Variants in TBC1D22A observed in about 807,000 individuals in gnomAD.
TBC1D22A encodes the protein putative GTPase activator.
In TBC1D22A, 38 loss-of-function variants were observed where a neutral mutation model predicts 60.2. The observed-to-expected ratio is 0.63, with a 90% CI of 0.49 to 0.83. The LOEUF (loss-of-function observed/expected upper bound fraction) is 0.83, where lower values mean the gene tolerates loss of function less well. Among genes scored for constraint, TBC1D22A ranks in the 40% least tolerant of loss-of-function variants. The pLI, the probability that TBC1D22A is intolerant of heterozygous loss-of-function variation, is 0.00. For missense variants in TBC1D22A, 628 were observed against 701.0 expected, an observed-to-expected ratio of 0.90 and a Z score of 1.18; for synonymous variants, 302 against 281.7, an observed-to-expected ratio of 1.07 and a Z score of -0.72.
intron 11 of TBC1D22A, among the ~76,000 whole-genome samples, chr22:47,055,527 C>T (rs1204743686): frequency 1.3e-5 from 2 of 152,106 alleles, no homozygotes; most frequent in Non-Finnish European, 2.9e-5. Flanking sequence ...CAGCAAAGAT[C>T]GATAAGGCAA....
intron 4 of TBC1D22A, among the ~76,000 whole-genome samples, chr22:46,849,548 C>A (rs1445167981): frequency 6.6e-6 from 1 of 152,122 alleles, no homozygotes; most frequent in African/African-American, 2.4e-5. Context: ...GACTCAGATT[C>A]ATCTGTCTTT....
At chr22:47,043,398 A>T (rs985342142) in intron 11 of TBC1D22A, among the ~76,000 whole-genome samples, 5 of 152,124 alleles carry the variant, frequency 3.3e-5, no homozygotes, top group Admixed American at 6.5e-5. Flanking sequence ...CTTGCTGGAG[A>T]GGCTCAGCAC....
At chr22:46,997,524 GA>G (rs111296470) in intron 9 of TBC1D22A, 109 bp from the exon 10 acceptor site, 20,465 of 795,412 alleles carry the variant, frequency 0.026, 482 homozygotes, top group South Asian at 0.08. Flanking sequence ...CTCTGTTTGT[GA>G]ATTCGTCCTA....
intron 4 of TBC1D22A, among the ~76,000 whole-genome samples, chr22:46,850,400 G>T (rs909633073): frequency 3.3e-5 from 5 of 152,082 alleles, no homozygotes; most frequent in African/African-American, 7.2e-5. Context: ...AACTCTTTTG[G>T]GAAGGTTTAA....
intron 1 of TBC1D22A, among the ~76,000 whole-genome samples, chr22:46,780,585 C>T (rs561440581): frequency 3.9e-4 from 60 of 152,338 alleles, no homozygotes; most frequent in African/African-American, 1.3e-3. Flanking sequence ...GGCCTTGCAG[C>T]GTTGGCCAGA....
intron 4 of TBC1D22A, among the ~76,000 whole-genome samples, chr22:46,870,811 T>A (rs1289302018): frequency 6.6e-6 from 1 of 152,184 alleles, no homozygotes; most frequent in Non-Finnish European, 1.5e-5. Flanking sequence ...AATCTACTTT[T>A]GGGAGCCCTT....
chr22:47,016,609 C>T (rs2061917583), intron 10 of TBC1D22A, among the ~76,000 whole-genome samples: 1 of 152,210 alleles, frequency 6.6e-6, no homozygotes, highest in Admixed American at 6.5e-5. Context: ...TTCCAGAACT[C>T]TGCCGTCCCG....
rs145201214 is a variant in TBC1D22A at position 46,813,148 on chromosome 22, C to A, written c.637+15528C>A. 4.5e-4 allele frequency among the ~76,000 whole-genome samples: 69 copies of A among 152,342 alleles called. No homozygotes were observed. In the East Asian group the frequency reaches 6.4e-3, roughly 14 times the overall value. On this transcript the variant is annotated intron_variant, in intron 4 of 12. Coordinates refer to ENST00000337137, the MANE Select transcript of TBC1D22A (RefSeq NM_014346.5). ...ATTAAATACTTCACTAAAGTACACT[C>A]TTTTCTTCCATTTATTCATGGTTAT...
Position 47,121,904 on chromosome 22 carries a change from CGCCCCTCGGGTGTCCTGCCGTGCCT to C in TBC1D22A, c.1425+10309_1425+10333del, listed in dbSNP as rs552183613. 1.3e-3 allele frequency among the ~76,000 whole-genome samples: 196 copies of C among 152,266 alleles called. 1 individual carries two copies. The highest frequency in any genetic ancestry group is 3.5e-4 in the Non-Finnish European group (24 of 68,010). On this transcript the variant is annotated intron_variant, in intron 12 of 12. Coordinates refer to ENST00000337137, the MANE Select transcript of TBC1D22A (RefSeq NM_014346.5). ...TTCTTCTAGGATGTCGCACTGCGCCCGCCCCTCGGGTGTCCTGCCGTGCCTGCCCCTCAGGTGTCCCCACCGCATC... is the reference window on the plus strand; with the variant it reads ...TTCTTCTAGGATGTCGCACTGCGCCCGCCCCTCAGGTGTCCCCACCGCATC...
intron 7 of TBC1D22A, among the ~76,000 whole-genome samples, chr22:46,911,698 A>G (rs141686330): frequency 6.6e-6 from 1 of 152,112 alleles, no homozygotes; most frequent in Non-Finnish European, 1.5e-5. Flanking sequence ...TGGGTGGATC[A>G]CTTGAGGTCA....
At chr22:46,987,463 A>G (rs181174962) in intron 9 of TBC1D22A, among the ~76,000 whole-genome samples, 3 of 152,306 alleles carry the variant, frequency 2.0e-5, no homozygotes, top group African/African-American at 7.2e-5. Context: ...AATGGTTTTT[A>G]TAGGTATACC....
intron 9 of TBC1D22A, among the ~76,000 whole-genome samples, chr22:46,986,308 T>C (rs2074720275): frequency 6.6e-6 from 1 of 152,190 alleles, no homozygotes; most frequent in African/African-American, 2.4e-5. Flanking sequence ...TTTCATGGGT[T>C]GGGTAAGGCC....
intron 8 of TBC1D22A, among the ~76,000 whole-genome samples, chr22:46,919,649 A>T (rs1386833091): frequency 6.6e-6 from 1 of 151,478 alleles, no homozygotes; most frequent in Non-Finnish European, 1.5e-5. Context: ...CCCTGCCCAT[A>T]GCATTGTGGG....
intron 11 of TBC1D22A, among the ~76,000 whole-genome samples, chr22:47,062,874 G>T (rs566080556): frequency 6.6e-6 from 1 of 152,178 alleles, no homozygotes; most frequent in Non-Finnish European, 1.5e-5. Context: ...AGAGGAAGAA[G>T]ACTGGCTCAT....
chr22:47,087,249 G>C (rs1023050439), intron 11 of TBC1D22A, among the ~76,000 whole-genome samples: 1 of 152,266 alleles, frequency 6.6e-6, no homozygotes, highest in African/African-American at 2.4e-5. Flanking sequence ...AAGGGTTATA[G>C]TCTATATGGG....
At chr22:46,887,309 G>T (rs2068167057) in intron 5 of TBC1D22A, among the ~76,000 whole-genome samples, 2 of 152,194 alleles carry the variant, frequency 1.3e-5, no homozygotes, top group Admixed American at 1.3e-4. Flanking sequence ...ATGTGAAAAG[G>T]TTCCACAGTA....
intron 12 of TBC1D22A, among the ~76,000 whole-genome samples, chr22:47,159,016 ATATACACACACACACACCATG>A (rs907331688): frequency 2.2e-5 from 3 of 135,132 alleles, no homozygotes; most frequent in African/African-American, 1.0e-4. Flanking sequence ...ACCTCACCAT[ATATACACACACACACACCATG>A]TATACACACA....
At chr22:46,783,584 A>G (rs918330334) in intron 1 of TBC1D22A, among the ~76,000 whole-genome samples, 1 of 102,078 alleles carries the variant, frequency 9.8e-6, no homozygotes, top group East Asian at 3.1e-4. Context: ...CCATGTGTGC[A>G]GGAGCAGTTT....
chr22:46,985,968 G>A (rs767550319), intron 9 of TBC1D22A, among the ~76,000 whole-genome samples: 2 of 151,826 alleles, frequency 1.3e-5, no homozygotes, highest in African/African-American at 4.8e-5. Flanking sequence ...TTTCTTTTGT[G>A]GTAATAGTTT....
Sources: gnomAD v4.1 joint callset for allele counts (sites outside exome capture counted in the v4.1 genomes callset) on GRCh38, gnomAD v4.1.1 for gene constraint, MANE v1.5 for transcripts, NCBI Gene and HGNC (gene_info 2026-07-23, HGNC 2026-07-21) for gene names.